TRPM3: variants seen among roughly 807,000 people sequenced by gnomAD.
TRPM3 encodes the protein long transient receptor potential channel 3.
A neutral mutation model predicts 181.2 loss-of-function variants in TRPM3; 77 were observed. That is an observed-to-expected ratio of 0.42 (90% CI 0.35 to 0.51). TRPM3 has a LOEUF of 0.51. Ranked by LOEUF, TRPM3 falls within the 20% of genes least tolerant of loss-of-function variation. The pLI, the probability that TRPM3 is intolerant of heterozygous loss-of-function variation, is 0.01. For synonymous variants in TRPM3, 745 were observed against 796.4 expected, an observed-to-expected ratio of 0.94 and a Z score of 1.09; for missense variants, 1,759 against 2,196.7, an observed-to-expected ratio of 0.80 and a Z score of 3.98.
chr9:71,199,635 T>C (rs2078643028), intron 1 of TRPM3, among the ~76,000 whole-genome samples: 1 of 152,372 alleles, frequency 6.6e-6, no homozygotes, highest in Non-Finnish European at 1.5e-5. Flanking sequence ...TATCCATTTA[T>C]TCTAGATTTT....
chr9:70,615,875 C>G (rs757055891), intron 18 of TRPM3, 33 bp downstream of exon 18: 3 of 1,572,702 alleles, frequency 1.9e-6, no homozygotes, highest in Non-Finnish European at 2.6e-6. Context: ...AGGAATTCTG[C>G]CCATAGAGAA....
chr9:71,124,132 G>T (rs1265100527), upstream of TRPM3, among the ~76,000 whole-genome samples: 1 of 152,096 alleles, frequency 6.6e-6, no homozygotes, highest in East Asian at 1.9e-4. Context: ...GATCAAAGAA[G>T]GATGACAGTG....
chr9:70,696,619 C>A (rs530864358), intron 8 of TRPM3, among the ~76,000 whole-genome samples: 1 of 152,196 alleles, frequency 6.6e-6, no homozygotes, highest in Non-Finnish European at 1.5e-5. Context: ...TGGATGTGTG[C>A]GCAAACCCGT....
At chr9:71,289,281 T>C (rs1485867506) in intron 1 of TRPM3, among the ~76,000 whole-genome samples, 1 of 152,096 alleles carries the variant, frequency 6.6e-6, no homozygotes, top group African/African-American at 2.4e-5. Context: ...ACTGAGAGTA[T>C]GTCAAAGGAA....
intron 1 of TRPM3, among the ~76,000 whole-genome samples, chr9:70,943,914 G>C (rs1413874059): frequency 6.6e-6 from 1 of 152,234 alleles, no homozygotes; most frequent in Non-Finnish European, 1.5e-5. Flanking sequence ...CAAGTAGCTG[G>C]AATTACAGGC....
At chr9:70,744,047 T>C (rs1024013567) in intron 8 of TRPM3, among the ~76,000 whole-genome samples, 2 of 151,916 alleles carry the variant, frequency 1.3e-5, no homozygotes, top group African/African-American at 4.8e-5. Flanking sequence ...GAAAATCAAA[T>C]GGGGCCGGGC....
chr9:70,656,182 G>A (rs1379862841), intron 9 of TRPM3, among the ~76,000 whole-genome samples: 2 of 152,124 alleles, frequency 1.3e-5, no homozygotes, highest in East Asian at 3.9e-4. Flanking sequence ...TATTAATCAA[G>A]CAATTTTATA....
At chr9:70,779,285 A>C (rs1278876422) in intron 7 of TRPM3, among the ~76,000 whole-genome samples, 1 of 152,172 alleles carries the variant, frequency 6.6e-6, no homozygotes, top group East Asian at 1.9e-4. Context: ...ATGACTAAAA[A>C]ACTTGAAGGC....
intron 1 of TRPM3, among the ~76,000 whole-genome samples, chr9:71,426,308 T>C (rs966604204): frequency 6.6e-6 from 1 of 151,232 alleles, no homozygotes; most frequent in Non-Finnish European, 1.5e-5. Context: ...TAATTTAGGG[T>C]TTTTTGAGGT....
chr9:70,635,308 C>T, intron 11 of TRPM3, 47 bp from the exon 12 acceptor site: 1 of 1,577,198 alleles, frequency 6.3e-7, no homozygotes, highest in Non-Finnish European at 8.7e-7. Context: ...GTCAGGGGCT[C>T]TGGTTGGCAA....
chr9:70,619,233 A>T, intron 16 of TRPM3, 138 bp from the exon 17 acceptor site: 1 of 680,648 alleles, frequency 1.5e-6, no homozygotes, highest in South Asian at 1.8e-5. Flanking sequence ...CTGTTTGTAA[A>T]TTCATCCAGC....
chr9:71,271,861 A>C (rs913463504), intron 1 of TRPM3, among the ~76,000 whole-genome samples: 1 of 152,146 alleles, frequency 6.6e-6, no homozygotes, highest in Non-Finnish European at 1.5e-5. Flanking sequence ...AGAAAGGGGC[A>C]AACTGTAGAG....
chr9:70,782,426 G>A (rs1163221031), intron 7 of TRPM3, among the ~76,000 whole-genome samples: 8 of 152,056 alleles, frequency 5.3e-5, no homozygotes, highest in Non-Finnish European at 1.2e-4. Context: ...TGGTCAGGCT[G>A]GTCTTGAACT....
intron 1 of TRPM3, among the ~76,000 whole-genome samples, chr9:71,434,568 A>G (rs982333798): frequency 1.3e-5 from 2 of 152,164 alleles, no homozygotes; most frequent in African/African-American, 4.8e-5. Flanking sequence ...AAAACTATCT[A>G]TTTATTGTTT....
At chr9:70,652,678 G>A (rs539505653) in intron 9 of TRPM3, among the ~76,000 whole-genome samples, 1 of 152,316 alleles carries the variant, frequency 6.6e-6, no homozygotes, top group East Asian at 1.9e-4. Context: ...CAGAGAGGCA[G>A]AGTAACTCAC....
chr9:71,401,327 G>C (rs1255456233), intron 1 of TRPM3, among the ~76,000 whole-genome samples: 1 of 152,142 alleles, frequency 6.6e-6, no homozygotes, highest in East Asian at 1.9e-4. Flanking sequence ...GATCAGAGTA[G>C]GCTAAGGTAG....
chr9:71,311,653 A>G (rs1233002497), intron 1 of TRPM3, among the ~76,000 whole-genome samples: 1 of 152,102 alleles, frequency 6.6e-6, no homozygotes, highest in Non-Finnish European at 1.5e-5. Flanking sequence ...GGGTGAAACT[A>G]TGTAACTTCT....
intron 1 of TRPM3, among the ~76,000 whole-genome samples, chr9:71,404,632 C>T (rs1477971770): frequency 6.6e-6 from 1 of 152,106 alleles, no homozygotes; most frequent in Non-Finnish European, 1.5e-5. Context: ...TTTTCCTCTC[C>T]ACTAACCCAT....
At chr9:71,099,615 C>A (rs187078927) in intron 1 of TRPM3, among the ~76,000 whole-genome samples, 1 of 152,196 alleles carries the variant, frequency 6.6e-6, no homozygotes, top group Admixed American at 6.6e-5. Context: ...GGGTTCCCCC[C>A]CTCAAAAAAC....
Sources: gnomAD v4.1 joint callset for allele counts (sites outside exome capture counted in the v4.1 genomes callset) on GRCh38, gnomAD v4.1.1 for gene constraint, MANE v1.5 for transcripts, NCBI Gene and HGNC (gene_info 2026-07-23, HGNC 2026-07-21) for gene names.